PCDHGB2: variants seen among roughly 807,000 people sequenced by gnomAD.
The protein encoded by PCDHGB2 is protocadherin gamma-B2.
PCDHGB2 carries 55 observed loss-of-function variants against 59.3 expected under a neutral mutation model. The ratio of observed to expected loss-of-function variants is 0.93; its 90% CI spans 0.75 to 1.16. The LOEUF (loss-of-function observed/expected upper bound fraction) is 1.16. Among genes scored for constraint, PCDHGB2 ranks in the 50% most tolerant of loss-of-function variants. The probability of loss-of-function intolerance (pLI) is 0.00; values close to 1 mark genes in which losing one functional copy is unlikely to be tolerated. For synonymous variants in PCDHGB2, 516 were observed against 512.0 expected (o/e 1.01, Z -0.11); for missense variants, 1,228 against 1,198.5 (o/e 1.02, Z -0.36).
intron 1 of PCDHGB2, chr5:141,409,656 G>A: frequency 6.2e-7 from 1 of 1,613,618 alleles, no homozygotes; most frequent in South Asian, 1.1e-5. Context: ...GGGCTCAATG[G>A]CCACATCTCC....
chr5:141,451,134 T>A (rs567790185), intron 1 of PCDHGB2, among the ~76,000 whole-genome samples: 1 of 152,254 alleles, frequency 6.6e-6, no homozygotes, highest in South Asian at 2.1e-4. Context: ...AGCCTTATGA[T>A]TGTATTTAGA....
chr5:141,491,450 C>G lies in PCDHGB2; in HGVS notation c.2422-3357C>G. ...CAGTGCTGCAGGCGCCAGGACTCAC[C>G]CTCCCCGGACTTCTATAAGCAGTCC... On this transcript the variant is annotated intron_variant, in intron 1 of 3. Transcript: ENST00000522605. The surrounding 1 kb of genome is among the most constrained non-coding windows in gnomAD (Gnocchi z 6.9). The G allele has an allele frequency of 1.2e-6, 2 of 1,614,110 alleles. No homozygotes were observed. Among genetic ancestry groups the G allele is most frequent in the Non-Finnish European group, 1.7e-6 (2 of 1,180,044 alleles).
rs184835272 is a variant in PCDHGB2, at chr5:141,470,234, C to A, written c.2422-24573C>A. ...AACCATTCAGCTTCTTCACCAAACC[C>A]TTGAATGTCCCACCTGTCTAAATGG... On this transcript the variant is annotated intron_variant, in intron 1 of 3. Transcript: ENST00000522605. Among the ~76,000 whole-genome samples, 6 of 152,288 alleles carry A rather than the reference C, an allele frequency of 3.9e-5. No individual in the cohort carries two copies. The East Asian group carries it at 9.6e-4, about 24-fold the overall frequency.
At chr5:141,372,217 T>C (rs1267940459) in intron 1 of PCDHGB2, 1 of 1,613,446 alleles carries the variant, frequency 6.2e-7, no homozygotes, top group African/African-American at 1.3e-5. Context: ...TCCTACCACA[T>C]TGTGCAGGCC....
At chr5:141,394,467 G>A (rs558211393) in intron 1 of PCDHGB2, 3 of 1,614,238 alleles carry the variant, frequency 1.9e-6, no homozygotes, top group Admixed American at 1.7e-5. Flanking sequence ...GAGCCTGTTC[G>A]TGCTGGACCA....
intron 1 of PCDHGB2, chr5:141,384,930 C>G (rs764481830): frequency 6.2e-7 from 1 of 1,614,060 alleles, no homozygotes; most frequent in Admixed American, 1.7e-5. Context: ...ACCTGGGCAG[C>G]CTTGAGCCCT....
intron 1 of PCDHGB2, among the ~76,000 whole-genome samples, chr5:141,479,077 A>G (rs1393042749): frequency 6.6e-6 from 1 of 152,224 alleles, no homozygotes; most frequent in Non-Finnish European, 1.5e-5. Context: ...ATGAAATGAA[A>G]TTCCAGGCAT....
Position 141,512,836 on chromosome 5 carries a change from T to G in PCDHGB2, c.*1663T>G, listed in dbSNP as rs1024777792. On this transcript the variant is annotated 3_prime_UTR_variant, in exon 4 of 4. Transcript: ENST00000522605. ...GGCGACCCCCTCCCCCGTACTGACTTCTCCTATAAGCGCTTCTCTTCGCAT... is the reference window on the plus strand; with the variant it reads ...GGCGACCCCCTCCCCCGTACTGACTGCTCCTATAAGCGCTTCTCTTCGCAT... 2 of 152,222 alleles carry G rather than the reference T, an allele frequency of 1.3e-5. No homozygotes were observed. Among genetic ancestry groups the G allele is most frequent in the African/African-American group, 4.8e-5 (2 of 41,412 alleles). The allele number at this position is 152,222 out of a possible 1,614,324, so 9.4% of individuals were successfully genotyped here. A position where few individuals can be genotyped will look rare whatever the true frequency, so the allele number is the denominator to read the frequency against.
chr5:141,428,052 G>A (rs750852525), intron 1 of PCDHGB2: 6 of 1,608,992 alleles, frequency 3.7e-6, no homozygotes, highest in East Asian at 4.5e-5. Context: ...GACCAAGGTG[G>A]TGGCGGTGGA....
At chr5:141,389,315 G>A (rs1257183989) in intron 1 of PCDHGB2, 2 of 1,613,866 alleles carry the variant, frequency 1.2e-6, no homozygotes, top group African/African-American at 1.3e-5. Flanking sequence ...CTTCTGATCC[G>A]GACTTGGGGC....
intron 1 of PCDHGB2, among the ~76,000 whole-genome samples, chr5:141,451,727 C>A (rs2098722766): frequency 6.6e-6 from 1 of 152,014 alleles, no homozygotes; most frequent in Admixed American, 6.6e-5. Flanking sequence ...ACTAAAAATA[C>A]AAAAATTAGC....
At position 141,511,235 on chromosome 5, in the gene PCDHGB2, C is replaced by G; in HGVS notation, c.*62C>G. On this transcript the variant is annotated 3_prime_UTR_variant, in exon 4 of 4. Transcript: ENST00000522605. ...CCCCAACCAGCCCAGCTTCTCCTTA[C>G]CTGCACCCAGGCCTCAGAGTTTCAG... 2 of 1,592,936 alleles carry G rather than the reference C, an allele frequency of 1.3e-6. No homozygotes were observed. The highest frequency in any genetic ancestry group is 1.7e-6 in the Non-Finnish European group (2 of 1,169,652).
In PCDHGB2 at chr5:141,361,340, A is replaced by G. The variant is rs1394183800; in HGVS notation, c.1205A>G (p.Tyr402Cys). Reference sequence around the variant, plus strand: ...TTGAAATCTTCCTCAAAGAACTATTACAAACTAGTGACAGACGGCGCTCTG... The same window carrying G: ...TTGAAATCTTCCTCAAAGAACTATTGCAAACTAGTGACAGACGGCGCTCTG... ...FILKSSSKNY[Y>C]KLVTDGALDR... Residue 402 changes from tyrosine (Y) to cysteine (C), a missense_variant, in exon 1 of 4, where the codon TAC becomes TGC. Transcript: ENST00000522605. The G allele has an allele frequency of 1.2e-6, 2 of 1,613,974 alleles. No individual in the cohort carries two copies. The highest frequency in any genetic ancestry group is 1.7e-6 in the Non-Finnish European group (2 of 1,179,882).
intron 1 of PCDHGB2, chr5:141,398,960 C>A (rs779158655): frequency 3.1e-6 from 5 of 1,613,986 alleles, no homozygotes. Flanking sequence ...TCAGAAATTA[C>A]TTATTCCTTC....
At chr5:141,383,700 C>G in intron 1 of PCDHGB2, 1 of 1,613,936 alleles carries the variant, frequency 6.2e-7, no homozygotes, top group South Asian at 1.1e-5. Flanking sequence ...TACATGCTAT[C>G]GACCTGGACG....
chr5:141,375,281 A>G (rs1157577123), intron 1 of PCDHGB2: 3 of 1,613,848 alleles, frequency 1.9e-6, no homozygotes, highest in Admixed American at 3.3e-5. Context: ...ATCAGTTGGC[A>G]ATTATTATCG....
At chr5:141,372,670 A>G (rs1383646459) in intron 1 of PCDHGB2, 4 of 1,613,908 alleles carry the variant, frequency 2.5e-6, no homozygotes, top group Non-Finnish European at 3.4e-6. Flanking sequence ...GCTGCCTCAC[A>G]TTCCTCAAAC....
intron 1 of PCDHGB2, chr5:141,366,029 C>A (rs766110369): frequency 6.2e-7 from 1 of 1,614,260 alleles, no homozygotes; most frequent in Non-Finnish European, 8.5e-7. Flanking sequence ...GTACCCCGCC[C>A]TCCCCACAGA....
chr5:141,399,419 G>A, intron 1 of PCDHGB2: 1 of 1,614,000 alleles, frequency 6.2e-7, no homozygotes, highest in East Asian at 2.2e-5. Flanking sequence ...CTCTCCTCCA[G>A]CATAAGCGTC....
Sources: allele counts gnomAD v4.1 joint callset (sites outside exome capture counted in the v4.1 genomes callset), GRCh38; gene constraint gnomAD v4.1.1; non-coding constraint Gnocchi (gnomAD v3.1); transcripts MANE v1.5; gene names NCBI Gene and HGNC (gene_info 2026-07-23, HGNC 2026-07-21).